Variants in CBX2 observed in about 807,000 individuals in gnomAD.
The protein encoded by CBX2 is chromobox protein homolog 2.
In CBX2, 11 loss-of-function variants were observed where a neutral mutation model predicts 21.0. That is an observed-to-expected ratio of 0.52 (90% CI 0.33 to 0.87). The LOEUF (loss-of-function observed/expected upper bound fraction) is 0.87, where lower values mean the gene tolerates loss of function less well. Among genes scored for constraint, CBX2 ranks in the 40% least tolerant of loss-of-function variants. The probability of loss-of-function intolerance (pLI) is 0.02; values close to 1 mark genes in which losing one functional copy is unlikely to be tolerated. For missense variants in CBX2, 746 were observed against 724.3 expected (o/e 1.03, Z -0.34); for synonymous variants, 364 against 304.6 (o/e 1.19, Z -2.03).
In CBX2 at chr17:79,784,902, G is replaced by A. The variant is rs373385385; in HGVS notation, c.1459G>A (p.Val487Ile). 99 of 1,613,256 alleles carry A rather than the reference G, an allele frequency of 6.1e-5. No individual in the cohort carries two copies. The South Asian group carries it at 6.8e-4, about 11-fold the overall frequency. Residue 487 changes from valine (V) to isoleucine (I), a missense_variant, in exon 5 of 5, where the codon GTT (valine) becomes ATT (isoleucine). Physicochemically the swap from Val to Ile is conservative, Grantham distance 29. Transcript: ENST00000310942. The surrounding 1 kb of genome is among the most constrained non-coding windows in gnomAD (Gnocchi z 5.9). ...PSTGQNPSVSVQTSQDWKPTR... is the reference protein window; with the variant it reads ...PSTGQNPSVSIQTSQDWKPTR... ...CACTGGACAGAACCCGTCAGTGTCCGTTCAGACCAGCCAGGACTGGAAGCC... is the reference window on the plus strand; with the variant it reads ...CACTGGACAGAACCCGTCAGTGTCCATTCAGACCAGCCAGGACTGGAAGCC...
Position 79,784,980 on chromosome 17 carries a change from A to G in CBX2, c.1537A>G (p.Ile513Val), listed in dbSNP as rs1907536788. The change falls in exon 5 of 5, where the codon ATC (isoleucine) becomes GTC (valine). Residue 513 changes from isoleucine to valine, a missense_variant. Coordinates refer to ENST00000310942, the MANE Select transcript of CBX2 (RefSeq NM_005189.3). This position sits in a 1 kb window ranked among gnomAD's most constrained non-coding sequence, Gnocchi z 5.9. ...VFVTDVTANLITVTVKESPTS... is the reference protein window; with the variant it reads ...VFVTDVTANLVTVTVKESPTS... ...TGTCACCGACGTCACTGCCAACCTC[A>G]TCACCGTCACAGTGAAGGAGTCTCC... is the stretch of plus-strand genomic sequence containing the variant. 6.2e-7 allele frequency: 1 copy of G among 1,607,686 alleles called. No individual in the cohort carries two copies. The highest frequency in any genetic ancestry group is 8.5e-7 in the Non-Finnish European group (1 of 1,179,820).
At chr17:79,781,511 G>A (rs1008679997) in intron 3 of CBX2, among the ~76,000 whole-genome samples, 185 bp from the exon 4 acceptor site, 10 of 152,172 alleles carry the variant, frequency 6.6e-5, no homozygotes, top group Admixed American at 6.5e-4. Flanking sequence ...GGGATGGCTG[G>A]TTACTGACCC....
upstream of CBX2, chr17:79,778,017 C>G (rs1408072913): frequency 6.9e-6 from 1 of 145,074 alleles, no homozygotes; most frequent in African/African-American, 2.5e-5. This position sits in a 1 kb window ranked among gnomAD's most constrained non-coding sequence, Gnocchi z 4.8. Flanking sequence ...CCCGCCCCGC[C>G]CCGCACCCGC....
chr17:79,783,601 G>C lies in CBX2; in HGVS notation c.289-131G>C, dbSNP rs889578112. Reference sequence around the variant, plus strand: ...ATTTTTGTATTTTTAGTAGAAACAGGGCTCCACTATGTTGGCCAGGCTGGT... The same window carrying C: ...ATTTTTGTATTTTTAGTAGAAACAGCGCTCCACTATGTTGGCCAGGCTGGT... On this transcript the variant is annotated intron_variant, in intron 4 of 4. Coordinates refer to ENST00000310942, the MANE Select transcript of CBX2 (RefSeq NM_005189.3). 18 of 756,112 alleles carry C rather than the reference G, an allele frequency of 2.4e-5. No homozygotes were observed. The Admixed American group carries it at 3.8e-4, about 16-fold the overall frequency. The allele number at this position is 756,112 out of a possible 1,614,324, so 46.8% of individuals were successfully genotyped here.
chr17:79,778,152 C>A lies in CBX2; in HGVS notation c.-84C>A. ...GGGCCGGCGCCGGGCGGGGGCGGTG[C>A]TTTGTGTGCTGCCGGCGGGGCGCGC... is the stretch of plus-strand genomic sequence containing the variant. On this transcript the variant is annotated 5_prime_UTR_variant, in exon 1 of 5. Coordinates refer to ENST00000310942, the MANE Select transcript of CBX2 (RefSeq NM_005189.3). The surrounding 1 kb of genome is among the most constrained non-coding windows in gnomAD (Gnocchi z 4.8). 2.8e-6 allele frequency: 2 copies of A among 724,348 alleles called. No homozygotes were observed. The highest frequency in any genetic ancestry group is 3.5e-6 in the Non-Finnish European group (2 of 569,798). The allele number at this position is 724,348 out of a possible 1,614,324, so 44.9% of individuals were successfully genotyped here.
At position 79,783,789 on chromosome 17, in the gene CBX2, T is replaced by C; in HGVS notation, c.346T>C (p.Ser116Pro). Residue 116 changes from serine (S) to proline (P), a missense_variant, in exon 5 of 5, where the codon TCC (serine) becomes CCC (proline). Coordinates refer to ENST00000310942, the MANE Select transcript of CBX2 (RefSeq NM_005189.3). Reference sequence around the variant, plus strand: ...CAGTTCCTCCTCTTCCTCCACGTCATCCTCCTCTTCCTCAGATGAAGAGGA... The same window carrying C: ...CAGTTCCTCCTCTTCCTCCACGTCACCCTCCTCTTCCTCAGATGAAGAGGA... ...SSSSSSSSTS[S>P]SSSSDEEDDS... is the part of the protein sequence containing the mutation. 6.3e-7 allele frequency: 1 copy of C among 1,576,518 alleles called. No individual in the cohort carries two copies. Among genetic ancestry groups the C allele is most frequent in the Non-Finnish European group, 8.6e-7 (1 of 1,161,196 alleles).
rs781900205 is a variant in CBX2, at chr17:79,785,216, C to A, written c.*174C>A. ...ACTTCTCCCGCACCCCACTCTGTCCCAGGACATAGGGCAGGGGGCCTCACT... is the reference window on the plus strand; with the variant it reads ...ACTTCTCCCGCACCCCACTCTGTCCAAGGACATAGGGCAGGGGGCCTCACT... On this transcript the variant is annotated 3_prime_UTR_variant, in exon 5 of 5. Coordinates refer to ENST00000310942, the MANE Select transcript of CBX2 (RefSeq NM_005189.3). 2.9e-4 allele frequency: 186 copies of A among 643,434 alleles called. No homozygotes were observed. The highest frequency in any genetic ancestry group is 4.7e-4 in the Non-Finnish European group (171 of 360,054). 39.9% of individuals were successfully genotyped at this position (643,434 alleles called of 1,614,324 possible).
Position 79,785,146 on chromosome 17 carries a change from GGGA to G in CBX2, c.*112_*114del. On this transcript the variant is annotated 3_prime_UTR_variant, in exon 5 of 5. Coordinates refer to ENST00000310942, the MANE Select transcript of CBX2 (RefSeq NM_005189.3). ...AAGCCCCCTCAAGAGTCTGGGTCGGGGGAGGAGGAGTGGGTGGCCTCCTTGATG... is the reference window on the plus strand; with the variant it reads ...AAGCCCCCTCAAGAGTCTGGGTCGGGGGAGGAGTGGGTGGCCTCCTTGATG... 2.0e-6 allele frequency: 2 copies of G among 1,018,610 alleles called. No individual in the cohort carries two copies. The highest frequency in any genetic ancestry group is 3.0e-6 in the Non-Finnish European group (2 of 669,688). 63.1% of individuals were successfully genotyped at this position (1,018,610 alleles called of 1,614,324 possible). A position where few individuals can be genotyped will look rare whatever the true frequency, so the allele number is the denominator to read the frequency against.
At position 79,778,504 on chromosome 17, in the gene CBX2, C is replaced by G. The variant is rs1906908699; in HGVS notation, c.116+77C>G. On this transcript the variant is annotated intron_variant, in intron 2 of 4. Transcript: ENST00000310942. The surrounding 1 kb of genome is among the most constrained non-coding windows in gnomAD (Gnocchi z 4.8). ...GGGACGTGGAGCCCCTCGGCCGCGC[C>G]GTCCGGTGGCCTGGGGGCGCCCGCG... 17 of 977,720 alleles carry G rather than the reference C, an allele frequency of 1.7e-5. No individual in the cohort carries two copies. Among genetic ancestry groups the G allele is most frequent in the Non-Finnish European group, 2.1e-5 (15 of 705,684 alleles). The allele number at this position is 977,720 out of a possible 1,614,324, so 60.6% of individuals were successfully genotyped here. A position where few individuals can be genotyped will look rare whatever the true frequency, so the allele number is the denominator to read the frequency against.
At chr17:79,779,659 A>C in intron 3 of CBX2, 1 of 576,142 alleles carries the variant, frequency 1.7e-6, no homozygotes, top group Non-Finnish European at 3.1e-6. Flanking sequence ...AACCTAAGTA[A>C]GTGCTGCTTT....
intron 3 of CBX2, 23 bp downstream of exon 3, chr17:79,779,450 G>GA (rs1906996058): frequency 1.2e-6 from 2 of 1,608,200 alleles, no homozygotes; most frequent in African/African-American, 2.7e-5. Flanking sequence ...ACAGCACTGG[G>GA]GAGGGTGTGG....
At position 79,778,314 on chromosome 17, in the gene CBX2, G is replaced by GCGGCCCGCCGGGCCCC; in HGVS notation, c.72+9_72+24dup. On this transcript the variant is annotated splice_region_variant and intron_variant, in intron 1 of 4. Transcript: ENST00000310942. The surrounding 1 kb of genome is among the most constrained non-coding windows in gnomAD (Gnocchi z 4.8). ...GAGCAAGCGGCTCCGCAAGGTGCGT[G>GCGGCCCGCCGGGCCCC]CGGCCCGCCGGGCCCCCCGCCCGCC... 6.4e-7 allele frequency: 1 copy of GCGGCCCGCCGGGCCCC among 1,561,364 alleles called. No homozygotes were observed. The highest frequency in any genetic ancestry group is 8.6e-7 in the Non-Finnish European group (1 of 1,159,622).
intron 3 of CBX2, 56 bp downstream of exon 3, chr17:79,779,483 AGTCGT>A: frequency 6.5e-7 from 1 of 1,528,020 alleles, no homozygotes; most frequent in Non-Finnish European, 9.0e-7. Flanking sequence ...GGCTGGTTGG[AGTCGT>A]GCTGGGCGCT....
In CBX2 at chr17:79,779,047, C is replaced by T. The variant is rs144145440; in HGVS notation, c.117-315C>T. The stretch of plus-strand genomic sequence containing the variant: ...CTCCGGGCCAGGGTTTGGGGGAATC[C>T]CTCTCTGCAACTTTGCGTTTTATGG... On this transcript the variant is annotated intron_variant, in intron 2 of 4. Transcript: ENST00000310942. Among the ~76,000 whole-genome samples the T allele has an allele frequency of 9.6e-4, 146 of 152,338 alleles. 1 individual carries two copies. In the East Asian group the frequency reaches 0.021, roughly 21 times the overall value.
Position 79,783,755 on chromosome 17 carries a change from C to T in CBX2, c.312C>T (p.Ser104=), listed in dbSNP as rs1555830952. ...KLKEPDAPSK[S]KSSSSSSSST... ...AGGAACCCGATGCTCCCTCCAAATC[C>T]AAGTCCAGCAGTTCCTCCTCTTCCT... The change falls in exon 5 of 5, where the codon TCC becomes TCT. Residue 104 remains serine (S), a synonymous_variant. Transcript: ENST00000310942. 6.4e-7 allele frequency: 1 copy of T among 1,554,008 alleles called. No individual in the cohort carries two copies. The highest frequency in any genetic ancestry group is 1.2e-5 in the South Asian group (1 of 84,550).
chr17:79,780,093 G>T (rs1182281036), intron 3 of CBX2, among the ~76,000 whole-genome samples: 2 of 152,146 alleles, frequency 1.3e-5, no homozygotes, highest in African/African-American at 4.8e-5. Flanking sequence ...AAGGGGTGGT[G>T]AGGAGAGGGC....
In CBX2 at chr17:79,784,956, G is replaced by A. The variant is rs1217067672; in HGVS notation, c.1513G>A (p.Val505Ile). The A allele has an allele frequency of 1.9e-6, 3 of 1,610,676 alleles. No individual in the cohort carries two copies. In the South Asian group the frequency reaches 3.3e-5, roughly 18 times the overall value. ...CCGCAGCCTCATCGAGCACGTATTT[G>A]TCACCGACGTCACTGCCAACCTCAT... ...PTRSLIEHVF[V>I]TDVTANLITV... Residue 505 changes from valine (V) to isoleucine (I), a missense_variant, in exon 5 of 5, where the codon GTC becomes ATC. Physicochemically the swap from Val to Ile is conservative, Grantham distance 29. Coordinates refer to ENST00000310942, the MANE Select transcript of CBX2 (RefSeq NM_005189.3). The surrounding 1 kb of genome is among the most constrained non-coding windows in gnomAD (Gnocchi z 5.9).
Position 79,778,569 on chromosome 17 carries a change from C to T in CBX2, c.116+142C>T. 4 of 478,220 alleles carry T rather than the reference C, an allele frequency of 8.4e-6. No homozygotes were observed. The highest frequency in any genetic ancestry group is 4.2e-5 in the South Asian group (1 of 23,932). 29.6% of individuals were successfully genotyped at this position (478,220 alleles called of 1,614,324 possible). A position where few individuals can be genotyped will look rare whatever the true frequency, so the allele number is the denominator to read the frequency against. On this transcript the variant is annotated intron_variant, in intron 2 of 4. Coordinates refer to ENST00000310942, the MANE Select transcript of CBX2 (RefSeq NM_005189.3). This position sits in a 1 kb window ranked among gnomAD's most constrained non-coding sequence, Gnocchi z 4.8. ...TTCGCGGGGTCCCCGCGGGCTCCTC[C>T]GGCTCTGAGGGGGGCGGGGGCCGCC...
chr17:79,779,651 C>T (rs1314517954), intron 3 of CBX2: 6 of 583,854 alleles, frequency 1.0e-5, no homozygotes, highest in Non-Finnish European at 9.2e-6. Flanking sequence ...CTGAGAAGAA[C>T]CTAAGTAAGT....
Sources: gnomAD v4.1 joint callset for allele counts (sites outside exome capture counted in the v4.1 genomes callset) on GRCh38, gnomAD v4.1.1 for gene constraint, Gnocchi (gnomAD v3.1) non-coding constraint, MANE v1.5 for transcripts, NCBI Gene and HGNC (gene_info 2026-07-23, HGNC 2026-07-21) for gene names.